The following TMPRSS13 variants were observed in gnomAD, a reference collection of about 807,000 sequenced individuals.
TMPRSS13 encodes the protein transmembrane serine protease 13.
TMPRSS13 carries 50 observed loss-of-function variants against 68.4 expected under a neutral mutation model. The observed-to-expected ratio is 0.73, with a 90% CI of 0.58 to 0.93. The LOEUF is 0.93. Among genes scored for constraint, TMPRSS13 ranks in the 40% least tolerant of loss-of-function variants. The pLI is 0.00. For missense variants in TMPRSS13, 615 were observed against 729.2 expected, an observed-to-expected ratio of 0.84 and a Z score of 1.80; for synonymous variants, 267 against 285.8, an observed-to-expected ratio of 0.93 and a Z score of 0.66.
intron 10 of TMPRSS13, among the ~76,000 whole-genome samples, chr11:117,905,056 A>T (rs1042059422): frequency 6.6e-6 from 1 of 151,026 alleles, no homozygotes; most frequent in Non-Finnish European, 1.5e-5. Context: ...CACCATGCCC[A>T]GCTAATTTTT....
At chr11:117,913,021 A>G (rs967463648) in intron 5 of TMPRSS13, among the ~76,000 whole-genome samples, 2 of 152,106 alleles carry the variant, frequency 1.3e-5, no homozygotes, top group African/African-American at 4.8e-5. Flanking sequence ...GGTGGAGAAC[A>G]TGTTCTAAAT....
At chr11:117,909,723 CGAA>C in intron 8 of TMPRSS13, 80 bp downstream of exon 8, 3 of 1,490,674 alleles carry the variant, frequency 2.0e-6, no homozygotes, top group Non-Finnish European at 2.7e-6. Flanking sequence ...TCCTCCTCCA[CGAA>C]GAAGTCAGTC....
At position 117,920,293 on chromosome 11, in the gene TMPRSS13, G is replaced by A. The variant is rs957819091; in HGVS notation, c.22-1455C>T. ...GCCTGTAAAACGCCCAATACACAGT[G>A]AGGGTGTGGTGAGCCGTGTCTGTGA... is the stretch of plus-strand genomic sequence containing the variant. On this transcript the variant is annotated intron_variant, in intron 1 of 12. Transcript: ENST00000524993. 2.6e-5 allele frequency among the ~76,000 whole-genome samples: 4 copies of A among 152,104 alleles called. No homozygotes were observed. The South Asian group carries it at 8.3e-4, about 32-fold the overall frequency.
chr11:117,908,931 T>G (rs1173768331), intron 8 of TMPRSS13, 147 bp from the exon 9 acceptor site: 1 of 759,400 alleles, frequency 1.3e-6, no homozygotes. Context: ...CCCTCTATCT[T>G]ATCCCTGGAG....
At chr11:117,907,271 T>C (rs1455924824) in intron 9 of TMPRSS13, among the ~76,000 whole-genome samples, 1 of 152,088 alleles carries the variant, frequency 6.6e-6, no homozygotes, top group Non-Finnish European at 1.5e-5. Flanking sequence ...ACCTCAGCCC[T>C]GGACTCCACA....
rs182500035 is a variant in TMPRSS13, at chr11:117,907,290, T to A, written c.1282+1322A>T. On this transcript the variant is annotated intron_variant, in intron 9 of 12. Coordinates refer to ENST00000524993, the MANE Select transcript of TMPRSS13 (RefSeq NM_001077263.3). The stretch of plus-strand genomic sequence containing the variant: ...CAGCCCTGGACTCCACAGACAAGGA[T>A]GGAGTTTCAGAAAGGCTGGTGGGCG... Among the ~76,000 whole-genome samples, 257 of 152,028 alleles carry A rather than the reference T, an allele frequency of 1.7e-3. 1 individual carries two copies. The highest frequency in any genetic ancestry group is 5.8e-3 in the African/African-American group (242 of 41,454).
intron 6 of TMPRSS13, among the ~76,000 whole-genome samples, chr11:117,910,985 G>A (rs1486964151): frequency 6.6e-6 from 1 of 152,158 alleles, no homozygotes; most frequent in Non-Finnish European, 1.5e-5. Flanking sequence ...CCCTCAACTA[G>A]TTTCCTTGTG....
rs1194196835 is a variant in TMPRSS13, at chr11:117,909,834, C to A, written c.1081G>T (p.Val361Leu). The A allele has an allele frequency of 1.9e-6, 3 of 1,612,894 alleles. No individual in the cohort carries two copies. Among genetic ancestry groups the A allele is most frequent in the Non-Finnish European group, 2.5e-6 (3 of 1,179,812 alleles). Residue 361 changes from valine (V) to leucine (L), a missense_variant, in exon 8 of 13, where the codon GTG becomes TTG. By Grantham distance (32) the Val-to-Leu change is conservative (BLOSUM62 1). Coordinates refer to ENST00000524993, the MANE Select transcript of TMPRSS13 (RefSeq NM_001077263.3). ...AAGAAGCAGTGGGCGGCAGTGAGCA[C>A]CCACTGGGCGTCAATGAGCGTGCCT... ...CGGTLIDAQWVLTAAHCFFVT... is the reference protein window; with the variant it reads ...CGGTLIDAQWLLTAAHCFFVT...
At chr11:117,923,957 A>G (rs2057672625) in intron 1 of TMPRSS13, among the ~76,000 whole-genome samples, 1 of 151,742 alleles carries the variant, frequency 6.6e-6, no homozygotes, top group African/African-American at 2.4e-5. Context: ...GTTTAAGCCA[A>G]TTGGGCCTCC....
At chr11:117,927,935 C>T (rs2057722511) in intron 1 of TMPRSS13, among the ~76,000 whole-genome samples, 1 of 152,194 alleles carries the variant, frequency 6.6e-6, no homozygotes. Context: ...TGTTCTCTGT[C>T]CTGTATCCCT....
intron 1 of TMPRSS13, 100 bp from the exon 2 acceptor site, chr11:117,918,938 G>A (rs2057614560): frequency 1.3e-6 from 2 of 1,510,480 alleles, no homozygotes; most frequent in Non-Finnish European, 1.8e-6. Context: ...TGGGGCAGCA[G>A]CTAGGGGTTG....
At chr11:117,919,959 A>G (rs12418028) in intron 1 of TMPRSS13, among the ~76,000 whole-genome samples, 112,035 of 152,264 alleles carry the variant, frequency 0.74, 41,399 homozygotes, top group Middle Eastern at 0.77. Flanking sequence ...CTGCAGGGCC[A>G]GGAACACCTT....
chr11:117,903,378 T>C (rs2057427371), intron 12 of TMPRSS13: 2 of 1,531,462 alleles, frequency 1.3e-6, no homozygotes, highest in Non-Finnish European at 1.7e-6. Flanking sequence ...CACAAAAAAA[T>C]ACTTCTGGGA....
Position 117,904,861 on chromosome 11 carries a change from T to TTATATATATATATA in TMPRSS13, c.1381+763_1382-761dup, listed in dbSNP as rs58001868. 6.1e-3 allele frequency among the ~76,000 whole-genome samples: 609 copies of TTATATATATATATA among 100,158 alleles called. 23 individuals carry two copies. The highest frequency in any genetic ancestry group is 9.3e-3 in the Non-Finnish European group (420 of 45,088). The allele number at this position is 100,158 out of a possible 152,430, so 65.7% of individuals were successfully genotyped here. On this transcript the variant is annotated intron_variant, in intron 10 of 12. Coordinates refer to ENST00000524993, the MANE Select transcript of TMPRSS13 (RefSeq NM_001077263.3). ...TACCACTTAGAGCTCCTAGATAAGA[T>TTATATATATATATA]TATATATATATATATATATATATAT...
intron 5 of TMPRSS13, among the ~76,000 whole-genome samples, chr11:117,913,370 A>G (rs1312517401): frequency 2.0e-5 from 3 of 152,206 alleles, no homozygotes; most frequent in Non-Finnish European, 2.9e-5. Context: ...CACAGTAGCT[A>G]TAGCTCAAAG....
rs1392919421 is a variant in TMPRSS13 at position 117,908,799 on chromosome 11, A to C, written c.1110-15T>G. Reference sequence around the variant, plus strand: ...TCTCCCGGGTCCTGCAAGAGCCACAAAGGAGCGTGGTCCAGTACCTGCCTG... The same window carrying C: ...TCTCCCGGGTCCTGCAAGAGCCACACAGGAGCGTGGTCCAGTACCTGCCTG... On this transcript the variant is annotated splice_polypyrimidine_tract_variant and intron_variant, in intron 8 of 12. Transcript: ENST00000524993. The C allele has an allele frequency of 1.9e-6, 3 of 1,589,206 alleles. No individual in the cohort carries two copies. Among genetic ancestry groups the C allele is most frequent in the Admixed American group, 1.7e-5 (1 of 57,236 alleles).
At chr11:117,919,845 C>T (rs1211447488) in intron 1 of TMPRSS13, among the ~76,000 whole-genome samples, 1 of 152,242 alleles carries the variant, frequency 6.6e-6, no homozygotes, top group South Asian at 2.1e-4. Flanking sequence ...GAGTCACCTG[C>T]CCTTCTTGAG....
intron 1 of TMPRSS13, among the ~76,000 whole-genome samples, chr11:117,924,934 C>T (rs553319332): frequency 3.2e-3 from 489 of 152,258 alleles, no homozygotes; most frequent in Non-Finnish European, 5.2e-3. Flanking sequence ...CTGGAAGGGG[C>T]CAGAGCTGCA....
intron 5 of TMPRSS13, 100 bp downstream of exon 5, chr11:117,913,677 G>A (rs1232966022): frequency 2.0e-6 from 3 of 1,476,412 alleles, no homozygotes; most frequent in African/African-American, 2.8e-5. Flanking sequence ...GGTCCCCAAG[G>A]GTCTTTTTAA....
Sources: allele counts gnomAD v4.1 joint callset (sites outside exome capture counted in the v4.1 genomes callset), GRCh38; gene constraint gnomAD v4.1.1; transcripts MANE v1.5; gene names NCBI Gene and HGNC (gene_info 2026-07-23, HGNC 2026-07-21).